CDC14B: variants seen among roughly 807,000 people sequenced by gnomAD.
CDC14B encodes the protein dual specificity protein phosphatase CDC14B.
In CDC14B, 22 loss-of-function variants were observed where a neutral mutation model predicts 64.2. The observed-to-expected ratio is 0.34, with a 90% CI of 0.24 to 0.49. CDC14B has a LOEUF of 0.49. CDC14B is among the 20% of genes least tolerant of loss of function. The pLI is 0.99. For missense variants in CDC14B, 498 were observed against 629.9 expected, an observed-to-expected ratio of 0.79 and a Z score of 2.24; for synonymous variants, 191 against 215.8, an observed-to-expected ratio of 0.89 and a Z score of 1.01.
chr9:96,604,341 A>ATTTTTT (rs200279285), intron 1 of CDC14B, among the ~76,000 whole-genome samples: 1 of 128,462 alleles, frequency 7.8e-6, no homozygotes, highest in Non-Finnish European at 1.6e-5. Flanking sequence ...TGAAGCTTGC[A>ATTTTTT]TTTATTATTA....
chr9:96,518,015 G>T (rs78824381), intron 12 of CDC14B, among the ~76,000 whole-genome samples: 1,992 of 152,078 alleles, frequency 0.013, 45 homozygotes, highest in African/African-American at 0.045. Flanking sequence ...TTCTAGCAGT[G>T]AGGAAGGAAA....
downstream of CDC14B, among the ~76,000 whole-genome samples, chr9:96,498,669 T>C (rs1411562620): frequency 2.0e-5 from 3 of 152,248 alleles, no homozygotes; most frequent in Non-Finnish European, 4.4e-5. Flanking sequence ...TCCCCAATTA[T>C]CTAGAGAAAA....
intron 1 of CDC14B, among the ~76,000 whole-genome samples, chr9:96,578,866 T>C (rs1844965797): frequency 6.6e-6 from 1 of 152,230 alleles, no homozygotes; most frequent in African/African-American, 2.4e-5. Context: ...TTGCCCAGGC[T>C]GGAGTGCAAT....
intron 1 of CDC14B, among the ~76,000 whole-genome samples, chr9:96,575,109 A>G (rs1364759731): frequency 6.6e-6 from 1 of 152,198 alleles, no homozygotes; most frequent in Admixed American, 6.5e-5. Context: ...CCGGTGCTAC[A>G]TGTCCTCCGG....
At chr9:96,528,693 T>C (rs1784486198) in intron 9 of CDC14B, among the ~76,000 whole-genome samples, 1 of 152,194 alleles carries the variant, frequency 6.6e-6, no homozygotes, top group African/African-American at 2.4e-5. Context: ...AGCAGCTGCA[T>C]TGTTTTATAC....
At chr9:96,595,181 A>C (rs956301854) in intron 1 of CDC14B, among the ~76,000 whole-genome samples, 1 of 152,170 alleles carries the variant, frequency 6.6e-6, no homozygotes. Context: ...CCCTCAACTA[A>C]GCATTGGTCC....
chr9:96,543,682 A>G (rs1388756948), intron 5 of CDC14B, among the ~76,000 whole-genome samples: 1 of 152,198 alleles, frequency 6.6e-6, no homozygotes, highest in African/African-American at 2.4e-5. Flanking sequence ...GGCTACCTTG[A>G]GCCATTACAA....
chr9:96,592,759 T>C (rs568868732), intron 1 of CDC14B, among the ~76,000 whole-genome samples: 173 of 152,072 alleles, frequency 1.1e-3, no homozygotes, highest in African/African-American at 3.9e-3. Flanking sequence ...AGCAACAGAG[T>C]GAGACTTTGT....
chr9:96,492,792 G>T (rs1156268040), exon 14 of CDC14B: 6 of 152,198 alleles, frequency 3.9e-5, no homozygotes, highest in African/African-American at 1.4e-4. Flanking sequence ...GCCCAAGAGG[G>T]AGGGGTCAGT....
At chr9:96,522,460 A>T in intron 12 of CDC14B, 46 bp downstream of exon 12, 1 of 1,247,524 alleles carries the variant, frequency 8.0e-7, no homozygotes, top group Non-Finnish European at 1.2e-6. Context: ...AGGACCCCAC[A>T]CACATATGAA....
chr9:96,602,023 C>T (rs934042523), intron 1 of CDC14B, among the ~76,000 whole-genome samples: 3 of 152,132 alleles, frequency 2.0e-5, no homozygotes, highest in African/African-American at 7.2e-5. Context: ...CGCGCCACTG[C>T]ACTCCAGCCT....
At chr9:96,611,842 G>A (rs1847343073) in intron 1 of CDC14B, among the ~76,000 whole-genome samples, 1 of 152,052 alleles carries the variant, frequency 6.6e-6, no homozygotes, top group African/African-American at 2.4e-5. Flanking sequence ...ACATATACAA[G>A]AGCATTTTTT....
chr9:96,619,034 CG>C (rs936765299), intron 1 of CDC14B, among the ~76,000 whole-genome samples, 184 bp downstream of exon 1: 3 of 129,206 alleles, frequency 2.3e-5, no homozygotes, highest in African/African-American at 8.7e-5. Context: ...AAACTCGGGG[CG>C]GGGGGCGCTC....
downstream of CDC14B, among the ~76,000 whole-genome samples, chr9:96,498,093 G>C (rs1833328173): frequency 6.6e-6 from 1 of 152,190 alleles, no homozygotes; most frequent in Middle Eastern, 3.2e-3. Context: ...TCAACCGGGA[G>C]AGTGTGGCAG....
chr9:96,542,426 G>C (rs1230964190), intron 5 of CDC14B, among the ~76,000 whole-genome samples: 1 of 152,098 alleles, frequency 6.6e-6, no homozygotes, highest in Non-Finnish European at 1.5e-5. Context: ...TAGGTAGAAG[G>C]TCATAAGCAT....
intron 7 of CDC14B, 130 bp downstream of exon 7, chr9:96,538,948 T>C (rs561506710): frequency 3.1e-6 from 2 of 648,982 alleles, no homozygotes; most frequent in East Asian, 2.8e-5. Context: ...AATCATTTCA[T>C]GGTGTATACA....
At position 96,523,339 on chromosome 9, in the gene CDC14B, G is replaced by A. The variant is rs371583596; in HGVS notation, c.1167C>T (p.Ala389=). 2 of 1,613,902 alleles carry A rather than the reference G, an allele frequency of 1.2e-6. No homozygotes were observed. Among genetic ancestry groups the A allele is most frequent in the Non-Finnish European group, 1.7e-6 (2 of 1,179,912 alleles). ...CAACGCCAGAGAGAAGTTTGGAGAA[G>A]GCTGCTCTGTGTTGTCCATTCTCCT... The part of the protein sequence containing the change: ...KGQENGQHRA[A]FSKLLSGVDD... The change falls in exon 11 of 14, where the codon GCC becomes GCT. Residue 389 remains alanine (A), a synonymous_variant. Transcript: ENST00000375241.
intron 1 of CDC14B, chr9:96,618,456 A>T (rs1415250603): frequency 1.9e-6 from 1 of 532,290 alleles, no homozygotes; most frequent in Non-Finnish European, 3.9e-6. Context: ...CAGTCGAATC[A>T]GCACTAACAG....
In CDC14B at chr9:96,522,613, T is replaced by C; in HGVS notation, c.1246-10A>G. The C allele has an allele frequency of 1.9e-6, 3 of 1,552,228 alleles. No individual in the cohort carries two copies. Among genetic ancestry groups the C allele is most frequent in the East Asian group, 2.2e-5 (1 of 44,590 alleles). ...CGTCATCATCACTGTACTGTGTAAG[T>C]AAAAAAACACTGAGCTAATGATTTA... On this transcript the variant is annotated splice_polypyrimidine_tract_variant and intron_variant, in intron 11 of 13. Coordinates refer to ENST00000375241, the MANE Select transcript of CDC14B (RefSeq NM_033331.4).
Sources: allele counts gnomAD v4.1 joint callset (sites outside exome capture counted in the v4.1 genomes callset), GRCh38; gene constraint gnomAD v4.1.1; transcripts MANE v1.5; gene names NCBI Gene and HGNC (gene_info 2026-07-23, HGNC 2026-07-21).